TCF12: variants seen among roughly 807,000 people sequenced by gnomAD.
The protein encoded by TCF12 is DNA-binding protein HTF4.
Under a neutral mutation model 86.0 loss-of-function variants are expected in TCF12, and 45 were observed. That is an observed-to-expected ratio of 0.52 (90% confidence interval 0.41 to 0.67). The LOEUF is 0.67. Among genes scored for constraint, TCF12 ranks in the 30% least tolerant of loss-of-function variants. The pLI is 0.00. For missense variants in TCF12, 881 were observed against 859.9 expected (o/e 1.02, Z -0.31); for synonymous variants, 330 against 299.6 (o/e 1.10, Z -1.05).
intron 3 of TCF12, among the ~76,000 whole-genome samples, chr15:57,058,321 A>G (rs1251665923): frequency 1.3e-5 from 2 of 152,224 alleles, no homozygotes; most frequent in East Asian, 3.8e-4. Context: ...CATTTGTATC[A>G]GGGTGATATA....
chr15:56,929,301 A>T (rs2060145355), intron 3 of TCF12, among the ~76,000 whole-genome samples: 1 of 152,162 alleles, frequency 6.6e-6, no homozygotes, highest in Non-Finnish European at 1.5e-5. Flanking sequence ...AGGGATCATT[A>T]CATCAGGGGG....
chr15:56,951,026 G>T (rs1453202816), intron 3 of TCF12, among the ~76,000 whole-genome samples: 1 of 151,902 alleles, frequency 6.6e-6, no homozygotes, highest in Admixed American at 6.6e-5. Flanking sequence ...AAAGTGCTGG[G>T]ATTACAGATA....
chr15:57,025,305 C>CT (rs1243403270), intron 3 of TCF12, among the ~76,000 whole-genome samples: 3 of 152,162 alleles, frequency 2.0e-5, no homozygotes, highest in African/African-American at 7.2e-5. Context: ...GTCTCGAATT[C>CT]CTGACCTCAA....
At chr15:57,134,134 A>T (rs1343235430) in intron 5 of TCF12, among the ~76,000 whole-genome samples, 1 of 152,138 alleles carries the variant, frequency 6.6e-6, no homozygotes, top group Non-Finnish European at 1.5e-5. Context: ...TTCTATAGTT[A>T]TATTGGGCGG....
intron 19 of TCF12, among the ~76,000 whole-genome samples, chr15:57,277,487 G>A (rs1231678225): frequency 6.6e-6 from 1 of 151,846 alleles, no homozygotes; most frequent in African/African-American, 2.4e-5. Context: ...AAATTAGCTG[G>A]GTGGGGTGGC....
intron 20 of TCF12, 105 bp downstream of exon 20, chr15:57,282,703 T>C: frequency 1.5e-6 from 2 of 1,298,538 alleles, no homozygotes; most frequent in Non-Finnish European, 2.1e-6. Context: ...GTGGCCATTG[T>C]AAAGGTCACA....
At chr15:57,038,893 T>C (rs530755579) in intron 3 of TCF12, among the ~76,000 whole-genome samples, 9 of 152,310 alleles carry the variant, frequency 5.9e-5, no homozygotes, top group African/African-American at 2.2e-4. Flanking sequence ...ATATGTACAT[T>C]ATTTGTACTG....
At chr15:57,218,776 G>A (rs12904561) in intron 8 of TCF12, among the ~76,000 whole-genome samples, 59,942 of 151,984 alleles carry the variant, frequency 0.39, 14,679 homozygotes, top group Non-Finnish European at 0.54. Flanking sequence ...TTTAAAAACA[G>A]GTAATTTAGT....
chr15:57,237,285 C>T (rs547119799), intron 12 of TCF12, among the ~76,000 whole-genome samples: 23 of 152,154 alleles, frequency 1.5e-4, no homozygotes, highest in South Asian at 4.2e-4. Flanking sequence ...TTCTTTGTTC[C>T]TTAGACTCAA....
In TCF12 at chr15:57,062,355, C is replaced by A. The variant is rs574210569; in HGVS notation, c.149-1395C>A. Among the ~76,000 whole-genome samples, 3 of 152,078 alleles carry A rather than the reference C, an allele frequency of 2.0e-5. No homozygotes were observed. The South Asian group carries it at 6.3e-4, about 32-fold the overall frequency. On this transcript the variant is annotated intron_variant, in intron 3 of 20. Coordinates refer to ENST00000333725, the MANE Select transcript of TCF12 (RefSeq NM_207037.2). ...CCACAGGAATGAACAAAACACTGTT[C>A]ACGTAATCTCTGTGTTTTCAAAGCC...
At chr15:57,280,683 A>C (rs1184091352) in intron 19 of TCF12, among the ~76,000 whole-genome samples, 4 of 152,168 alleles carry the variant, frequency 2.6e-5, no homozygotes, top group Non-Finnish European at 5.9e-5. Flanking sequence ...AAGTCTGGGC[A>C]ACGTAGTGAG....
intron 3 of TCF12, among the ~76,000 whole-genome samples, chr15:57,058,325 T>A (rs2141660984): frequency 6.6e-6 from 1 of 152,356 alleles, no homozygotes; most frequent in Middle Eastern, 3.4e-3. Flanking sequence ...TGTATCAGGG[T>A]GATATAGCTA....
upstream of TCF12, chr15:56,918,554 C>G: frequency 7.4e-6 from 2 of 269,566 alleles, no homozygotes; most frequent in South Asian, 5.9e-5. Flanking sequence ...TCCCCGCCCC[C>G]TCTGCCGGCC....
intron 3 of TCF12, among the ~76,000 whole-genome samples, chr15:57,059,998 C>G (rs1746035023): frequency 6.6e-6 from 1 of 152,068 alleles, no homozygotes; most frequent in African/African-American, 2.4e-5. Flanking sequence ...AGAAGGTAGT[C>G]TAAATCTGTG....
rs1347056265 is a variant in TCF12, at chr15:57,282,519, C to T, written c.2053C>T (p.Pro685Ser). ...AAAAGTTTCTGCCGTATCGGCAGAG[C>T]CGCCAACCACACTGCCAGGAACCCA... is the stretch of plus-strand genomic sequence containing the variant. The part of the protein sequence containing the change: ...EEKVSAVSAE[P>S]PTTLPGTHPG... The change falls in exon 20 of 21, where the codon CCG becomes TCG. Residue 685 changes from proline to serine, a missense_variant. Pro to Ser is a moderately conservative substitution (Grantham distance 74). This residue lies in a region of TCF12 where 69 missense variants were observed against 64.2 expected (regional missense o/e 1.07). Coordinates refer to ENST00000333725, the MANE Select transcript of TCF12 (RefSeq NM_207037.2). 2.5e-6 allele frequency: 4 copies of T among 1,614,114 alleles called. No homozygotes were observed. Among genetic ancestry groups the T allele is most frequent in the Non-Finnish European group, 3.4e-6 (4 of 1,180,050 alleles).
intron 5 of TCF12, among the ~76,000 whole-genome samples, chr15:57,139,358 T>C (rs1054251333): frequency 6.6e-6 from 1 of 152,224 alleles, no homozygotes; most frequent in Non-Finnish European, 1.5e-5. Context: ...TGTTCTATTG[T>C]ATAGATGTTT....
At chr15:56,976,961 C>T (rs906422909) in intron 3 of TCF12, among the ~76,000 whole-genome samples, 8 of 151,836 alleles carry the variant, frequency 5.3e-5, no homozygotes, top group African/African-American at 9.7e-5. Flanking sequence ...AATTTAGATC[C>T]TCATTTGCAC....
chr15:57,287,023 C>A lies in TCF12; in HGVS notation c.*878C>A. 1 of 175,766 alleles carries A rather than the reference C, an allele frequency of 5.7e-6. No homozygotes were observed. Among genetic ancestry groups the A allele is most frequent in the Admixed American group, 5.5e-5 (1 of 18,072 alleles). The allele number at this position is 175,766 out of a possible 1,614,324, so 10.9% of individuals were successfully genotyped here. A position where few individuals can be genotyped will look rare whatever the true frequency, so the allele number is the denominator to read the frequency against. ...AACATTGCTTTATTTCTAATAATAA[C>A]CAAGACTTTTCAAGCTTCTAGATCT... On this transcript the variant is annotated 3_prime_UTR_variant, in exon 21 of 21. Coordinates refer to ENST00000333725, the MANE Select transcript of TCF12 (RefSeq NM_207037.2).
At chr15:57,289,917 G>A (rs2062047236), downstream of TCF12, 1 of 152,024 alleles carries the variant, frequency 6.6e-6, no homozygotes, top group Admixed American at 6.6e-5. Flanking sequence ...ACCCCCAGAA[G>A]ATGTCAACCC....
Sources: gnomAD v4.1 joint callset for allele counts (sites outside exome capture counted in the v4.1 genomes callset) on GRCh38, gnomAD v4.1.1 for gene constraint, gnomAD v4.1.1 regional missense constraint, MANE v1.5 for transcripts, NCBI Gene and HGNC (gene_info 2026-07-23, HGNC 2026-07-21) for gene names.